ROBO1: variants seen among roughly 807,000 people sequenced by gnomAD.
The protein encoded by ROBO1 is roundabout guidance receptor 1, also known as roundabout homolog 1.
Under a neutral mutation model 195.9 loss-of-function variants are expected in ROBO1, and 149 were observed. That is an observed-to-expected ratio of 0.76 (90% confidence interval 0.67 to 0.87). ROBO1 has a LOEUF of 0.87. ROBO1 is among the 40% of genes least tolerant of loss of function. ROBO1 has a pLI of 0.00. For missense variants in ROBO1, 1,933 were observed against 2,068.3 expected (o/e 0.93, Z 1.27); for synonymous variants, 816 against 733.2 (o/e 1.11, Z -1.82).
intron 3 of ROBO1, among the ~76,000 whole-genome samples, chr3:79,046,868 T>C (rs2078604617): frequency 6.6e-6 from 1 of 152,170 alleles, no homozygotes; most frequent in Non-Finnish European, 1.5e-5. Flanking sequence ...CACTCAGTAT[T>C]AACCATCACA....
chr3:79,458,580 G>T (rs1575852498), intron 2 of ROBO1, among the ~76,000 whole-genome samples: 1 of 151,508 alleles, frequency 6.6e-6, no homozygotes, highest in Non-Finnish European at 1.5e-5. Context: ...GATTTACTGT[G>T]TTAAAAGGAA....
intron 2 of ROBO1, among the ~76,000 whole-genome samples, chr3:79,178,707 ATTC>A (rs2081294824): frequency 6.6e-6 from 1 of 152,206 alleles, no homozygotes; most frequent in South Asian, 2.1e-4. Flanking sequence ...TGGGCCTTTC[ATTC>A]TCCAAAGACA....
At chr3:79,108,378 A>C (rs1162353296) in intron 3 of ROBO1, among the ~76,000 whole-genome samples, 1 of 151,790 alleles carries the variant, frequency 6.6e-6, no homozygotes, top group Non-Finnish European at 1.5e-5. Flanking sequence ...ATAAAAAAAA[A>C]CTAATGTCCA....
At position 78,633,965 on chromosome 3, in the gene ROBO1, T is replaced by G; in HGVS notation, c.3451A>C (p.Asn1151His). ...SYDQNTGGSY[N>H]SSDRGSSTSG... ...GTACTACTGCCCCGGTCTGAGCTGT[T>G]GTAGGATCCTCCTGTGTTCTGGTCG... Residue 1151 changes from asparagine to histidine, a missense_variant, in exon 24 of 31, where the codon AAC becomes CAC. Asn to His is a moderately conservative substitution (Grantham distance 68, BLOSUM62 1). Around this residue, in one of 3 missense-constraint regions of ROBO1, gnomAD observed 1,737 missense variants for 1,882.5 expected, o/e 0.92. Transcript: ENST00000464233. The G allele has an allele frequency of 6.2e-7, 1 of 1,612,588 alleles. No homozygotes were observed. Among genetic ancestry groups the G allele is most frequent in the Non-Finnish European group, 8.5e-7 (1 of 1,178,908 alleles).
At chr3:78,678,615 A>T (rs1047094987) in intron 10 of ROBO1, among the ~76,000 whole-genome samples, 8 of 152,168 alleles carry the variant, frequency 5.3e-5, no homozygotes, top group African/African-American at 1.9e-4. Context: ...CTCTCCCAAG[A>T]CTAAACCAGG....
At chr3:78,714,218 C>G (rs983988186) in intron 8 of ROBO1, among the ~76,000 whole-genome samples, 179 bp downstream of exon 8, 2 of 151,986 alleles carry the variant, frequency 1.3e-5, no homozygotes, top group African/African-American at 4.8e-5. Flanking sequence ...TCCTGTAACA[C>G]TTACAGAGCT....
chr3:79,547,606 A>T (rs575960285), intron 2 of ROBO1, among the ~76,000 whole-genome samples: 1 of 152,270 alleles, frequency 6.6e-6, no homozygotes, highest in East Asian at 1.9e-4. Flanking sequence ...ATACTATGAG[A>T]TGATATTTAG....
At chr3:78,987,193 T>TA (rs891399098) in intron 3 of ROBO1, among the ~76,000 whole-genome samples, 1 of 150,856 alleles carries the variant, frequency 6.6e-6, no homozygotes, top group African/African-American at 2.4e-5. Flanking sequence ...TAACACGTTT[T>TA]AAAAAAGAAG....
intron 2 of ROBO1, among the ~76,000 whole-genome samples, chr3:79,248,365 A>C (rs2082661532): frequency 6.9e-6 from 1 of 145,032 alleles, no homozygotes; most frequent in African/African-American, 2.6e-5. Flanking sequence ...CCTAGATGGG[A>C]AGACAGACCA....
chr3:79,502,308 C>T (rs1052678769), intron 2 of ROBO1, among the ~76,000 whole-genome samples: 1 of 152,106 alleles, frequency 6.6e-6, no homozygotes, highest in African/African-American at 2.4e-5. Flanking sequence ...CGGGCCAGCG[C>T]GAGTTCCGGG....
chr3:79,010,095 A>G (rs2077737931), intron 3 of ROBO1, among the ~76,000 whole-genome samples: 1 of 152,204 alleles, frequency 6.6e-6, no homozygotes, highest in African/African-American at 2.4e-5. Flanking sequence ...ACAGACAGTA[A>G]GATGTAACAT....
chr3:78,636,891 G>T (rs1705533635), intron 22 of ROBO1, among the ~76,000 whole-genome samples: 1 of 134,948 alleles, frequency 7.4e-6, no homozygotes, highest in African/African-American at 2.7e-5. Context: ...GAAATATTTG[G>T]ACATTAAATA....
At position 79,557,717 on chromosome 3, in the gene ROBO1, A is replaced by G. The variant is rs369607532; in HGVS notation, c.88+32107T>C. ...CACTGCACTCCAGCCTGGGCAACAG[A>G]GCGAGACTGTCTTAAAACAAAAAAA... On this transcript the variant is annotated intron_variant, in intron 2 of 30. Transcript: ENST00000464233. 3.7e-3 allele frequency among the ~76,000 whole-genome samples: 397 copies of G among 107,456 alleles called. 3 individuals carry two copies. The highest frequency in any genetic ancestry group is 0.016 in the African/African-American group (339 of 21,264). 70.5% of individuals were successfully genotyped at this position (107,456 alleles called of 152,430 possible).
chr3:78,711,348 C>CTCCTTCCTTTCT (rs2081698663), intron 8 of ROBO1, among the ~76,000 whole-genome samples: 1 of 54,702 alleles, frequency 1.8e-5, no homozygotes, highest in African/African-American at 9.2e-5. Flanking sequence ...TCCTTCCTTC[C>CTCCTTCCTTTCT]TCCTTCCTTC....
At chr3:78,780,507 C>A (rs2083644514) in intron 4 of ROBO1, among the ~76,000 whole-genome samples, 1 of 151,750 alleles carries the variant, frequency 6.6e-6, no homozygotes. Flanking sequence ...CCTGTCATGT[C>A]CCCAAACTTT....
intron 3 of ROBO1, among the ~76,000 whole-genome samples, chr3:79,093,377 G>A (rs1236537309): frequency 6.6e-6 from 1 of 152,072 alleles, no homozygotes; most frequent in Admixed American, 6.6e-5. Flanking sequence ...TTACTAAAAT[G>A]TAAGTTAAAA....
At chr3:78,862,605 AAGGATGTG>A (rs1317980011) in intron 4 of ROBO1, among the ~76,000 whole-genome samples, 2 of 152,236 alleles carry the variant, frequency 1.3e-5, no homozygotes, top group Non-Finnish European at 2.9e-5. Flanking sequence ...AAGTACTGTC[AAGGATGTG>A]AGGATCTGAG....
At position 78,668,542 on chromosome 3, in the gene ROBO1, G is replaced by T. The variant is rs779604252; in HGVS notation, c.1572C>A (p.Thr524=). Residue 524 remains threonine (T), a synonymous_variant, in exon 12 of 31, where the codon ACC becomes ACA. Coordinates refer to ENST00000464233, the MANE Select transcript of ROBO1 (RefSeq NM_002941.4). ...YAKLGDTGRY[T]CIASTPSGEA... ...CACCACTGGGGGTTGATGCAATGCA[G>T]GTGTACCGACCAGTATCACCCAGCT... The T allele has an allele frequency of 6.2e-7, 1 of 1,613,698 alleles. No homozygotes were observed. The highest frequency in any genetic ancestry group is 8.5e-7 in the Non-Finnish European group (1 of 1,179,782).
At chr3:79,447,656 C>T (rs887579616) in intron 2 of ROBO1, among the ~76,000 whole-genome samples, 3 of 152,050 alleles carry the variant, frequency 2.0e-5, no homozygotes, top group African/African-American at 7.3e-5. Context: ...GATGATTATA[C>T]AGTACTTGAG....
Sources: gnomAD v4.1 joint callset for allele counts (sites outside exome capture counted in the v4.1 genomes callset) on GRCh38, gnomAD v4.1.1 for gene constraint, gnomAD v4.1.1 regional missense constraint, MANE v1.5 for transcripts, NCBI Gene and HGNC (gene_info 2026-07-23, HGNC 2026-07-21) for gene names.